The following RSPRY1 variants were observed in gnomAD, a reference collection of about 807,000 sequenced individuals.
RSPRY1 encodes the protein RING finger and SPRY domain-containing protein 1.
RSPRY1 carries 23 observed loss-of-function variants against 73.1 expected under a neutral mutation model. The observed-to-expected ratio is 0.31, with a 90% CI of 0.23 to 0.45. The LOEUF is 0.45. RSPRY1 is among the 20% of genes least tolerant of loss of function. RSPRY1 has a pLI of 1.00. For missense variants in RSPRY1, 448 were observed against 698.7 expected (o/e 0.64, Z 4.05); for synonymous variants, 226 against 251.4 (o/e 0.90, Z 0.95).
At position 57,239,042 on chromosome 16, in the gene RSPRY1, A is replaced by G. The variant is rs1597945431; in HGVS notation, c.*67A>G. 3.6e-6 allele frequency: 3 copies of G among 832,138 alleles called. No homozygotes were observed. The highest frequency in any genetic ancestry group is 5.3e-5 in the East Asian group (2 of 37,522). 51.5% of individuals were successfully genotyped at this position (832,138 alleles called of 1,614,324 possible). A position where few individuals can be genotyped will look rare whatever the true frequency, so the allele number is the denominator to read the frequency against. Reference sequence around the variant, plus strand: ...CAGCCAATGTTGAAAAGAAAAAGAAAAAAAAAACTCTCTAATCAGTTGTAC... The same window carrying G: ...CAGCCAATGTTGAAAAGAAAAAGAAGAAAAAAACTCTCTAATCAGTTGTAC... On this transcript the variant is annotated 3_prime_UTR_variant, in exon 15 of 15. Transcript: ENST00000394420.
At chr16:57,187,453 T>G (rs1044617194) in intron 1 of RSPRY1, among the ~76,000 whole-genome samples, 2 of 152,208 alleles carry the variant, frequency 1.3e-5, no homozygotes, top group Non-Finnish European at 2.9e-5. Context: ...TGTTATCGAC[T>G]GAGTAGAATC....
chr16:57,227,162 T>C (rs181892237), intron 10 of RSPRY1, among the ~76,000 whole-genome samples, 180 bp from the exon 11 acceptor site: 28 of 152,330 alleles, frequency 1.8e-4, no homozygotes, highest in Middle Eastern at 6.8e-3. Flanking sequence ...TCATTATCTA[T>C]TCACTTGGAA....
In RSPRY1 at chr16:57,231,151, C is replaced by T; in HGVS notation, c.1377-16C>T. ...TTTATTAATTCTATTGGCCTCTGTA[C>T]TCATTTTATTTGTAGATCTGGATTT... On this transcript the variant is annotated splice_polypyrimidine_tract_variant and intron_variant, in intron 12 of 14. Transcript: ENST00000394420. The T allele has an allele frequency of 1.2e-6, 2 of 1,610,208 alleles. No individual in the cohort carries two copies. The highest frequency in any genetic ancestry group is 1.7e-6 in the Non-Finnish European group (2 of 1,177,806).
At chr16:57,209,450 G>A (rs922508167) in intron 4 of RSPRY1, among the ~76,000 whole-genome samples, 11 of 151,460 alleles carry the variant, frequency 7.3e-5, no homozygotes, top group South Asian at 4.2e-4. Context: ...TGCAACCTCC[G>A]CCTCCCGGGT....
At chr16:57,218,870 G>A (rs982890511) in intron 8 of RSPRY1, among the ~76,000 whole-genome samples, 12 of 139,268 alleles carry the variant, frequency 8.6e-5, no homozygotes, top group Admixed American at 2.8e-4. Context: ...CAAGTAGCTG[G>A]GACTACAGGC....
At chr16:57,236,999 TAC>T (rs2146399989) in intron 14 of RSPRY1, among the ~76,000 whole-genome samples, 1 of 152,096 alleles carries the variant, frequency 6.6e-6, no homozygotes, top group Admixed American at 6.5e-5. Context: ...ACCCCGTCTC[TAC>T]TACAAATACA....
At position 57,212,994 on chromosome 16, in the gene RSPRY1, A is replaced by G; in HGVS notation, c.539A>G (p.Glu180Gly). Residue 180 changes from glutamate to glycine, a missense_variant, in exon 5 of 15, where the codon GAA (glutamate) becomes GGA (glycine). Glu to Gly is a moderately conservative substitution (Grantham distance 98). Coordinates refer to ENST00000394420, the MANE Select transcript of RSPRY1 (RefSeq NM_133368.3). ...PTKDALQKLT[E>G]ILNLNGEVAC... The stretch of plus-strand genomic sequence containing the variant: ...TAGGATGCACTCCAGAAATTGACTG[A>G]AATTCTCAATTTAAATGGAGAAGTA... 6.2e-7 allele frequency: 1 copy of G among 1,614,062 alleles called. No individual in the cohort carries two copies. Among genetic ancestry groups the G allele is most frequent in the Middle Eastern group, 1.6e-4 (1 of 6,062 alleles).
At position 57,221,292 on chromosome 16, in the gene RSPRY1, T is replaced by C; in HGVS notation, c.1038T>C (p.Ser346=). 6.2e-7 allele frequency: 1 copy of C among 1,614,108 alleles called. No individual in the cohort carries two copies. The highest frequency in any genetic ancestry group is 1.1e-5 in the South Asian group (1 of 91,074). Residue 346 remains serine (S), a synonymous_variant, in exon 10 of 15, where the codon TCT becomes TCC. Transcript: ENST00000394420. The part of the protein sequence containing the change: ...HGLEARCDAS[S]FESVRCTFCV... ...GCCAGGCTCGCTGTGATGCCTCCTC[T>C]TTTGAAAGTGTGCGTTGCACCTTTT... is the stretch of plus-strand genomic sequence containing the variant.
At position 57,204,489 on chromosome 16, in the gene RSPRY1, C is replaced by T. The variant is rs780526020; in HGVS notation, c.-155-15C>T. ...GAATCTTTTATTCATTTTCCTTTTT[C>T]TCATTTTCTTTTAGAACTGCCATTG... On this transcript the variant is annotated splice_polypyrimidine_tract_variant and intron_variant, in intron 1 of 14. Transcript: ENST00000394420. The T allele has an allele frequency of 1.5e-5, 9 of 619,924 alleles. No homozygotes were observed. The highest frequency in any genetic ancestry group is 2.3e-5 in the Non-Finnish European group (8 of 353,662). The allele number at this position is 619,924 out of a possible 1,614,324, so 38.4% of individuals were successfully genotyped here. A position where few individuals can be genotyped will look rare whatever the true frequency, so the allele number is the denominator to read the frequency against.
intron 1 of RSPRY1, among the ~76,000 whole-genome samples, chr16:57,195,703 ATGT>A (rs2074429319): frequency 6.6e-6 from 1 of 150,958 alleles, no homozygotes; most frequent in African/African-American, 2.4e-5. Context: ...TCACCAGCTA[ATGT>A]TGTCTTTGAA....
chr16:57,225,941 G>A (rs2075113933), intron 10 of RSPRY1, among the ~76,000 whole-genome samples: 1 of 152,196 alleles, frequency 6.6e-6, no homozygotes, highest in Non-Finnish European at 1.5e-5. Context: ...AGCTGGGCCT[G>A]GTGGCGCATG....
Position 57,201,066 on chromosome 16 carries a change from C to G in RSPRY1, c.-155-3438C>G, listed in dbSNP as rs549370505. Among the ~76,000 whole-genome samples, 9 of 152,126 alleles carry G rather than the reference C, an allele frequency of 5.9e-5. No individual in the cohort carries two copies. The East Asian group carries it at 1.8e-3, about 30-fold the overall frequency. Reference sequence around the variant, plus strand: ...GCTGGCCGGGCGGGGGGCTGACCCCCACCTCCCTCCCAGACGGGGTGGCTG... The same window carrying G: ...GCTGGCCGGGCGGGGGGCTGACCCCGACCTCCCTCCCAGACGGGGTGGCTG... On this transcript the variant is annotated intron_variant, in intron 1 of 14. Coordinates refer to ENST00000394420, the MANE Select transcript of RSPRY1 (RefSeq NM_133368.3).
chr16:57,211,154 T>G (rs1245666432), intron 4 of RSPRY1, among the ~76,000 whole-genome samples: 4 of 151,818 alleles, frequency 2.6e-5, no homozygotes, highest in Non-Finnish European at 4.4e-5. Flanking sequence ...CTGGGCTGAA[T>G]GTACTGGCTC....
At position 57,213,751 on chromosome 16, in the gene RSPRY1, T is replaced by G. The variant is rs2074889415; in HGVS notation, c.644-137T>G. The G allele has an allele frequency of 8.5e-6, 6 of 702,200 alleles. No homozygotes were observed. The South Asian group carries it at 1.0e-4, about 12-fold the overall frequency. 43.5% of individuals were successfully genotyped at this position (702,200 alleles called of 1,614,324 possible). A position where few individuals can be genotyped will look rare whatever the true frequency, so the allele number is the denominator to read the frequency against. ...CTTAACTGTGAAATGGAGCTAGTAC[T>G]ATTTTCTACCTCAGAGCAGGAGGCT... On this transcript the variant is annotated intron_variant, in intron 5 of 14. Coordinates refer to ENST00000394420, the MANE Select transcript of RSPRY1 (RefSeq NM_133368.3).
At chr16:57,189,353 GGCTTCT>G (rs1249331476) in intron 1 of RSPRY1, among the ~76,000 whole-genome samples, 1 of 151,752 alleles carries the variant, frequency 6.6e-6, no homozygotes, top group Non-Finnish European at 1.5e-5. Flanking sequence ...ACTCTATGTG[GGCTTCT>G]GCTTTTGTCA....
intron 7 of RSPRY1, 71 bp downstream of exon 7, chr16:57,216,244 C>A: frequency 9.0e-7 from 1 of 1,105,832 alleles, no homozygotes; most frequent in African/African-American, 1.5e-5. Context: ...TTCTTAGTTA[C>A]TGGATAAGCC....
intron 13 of RSPRY1, among the ~76,000 whole-genome samples, chr16:57,234,003 G>A (rs777995265): frequency 4.6e-5 from 7 of 152,162 alleles, no homozygotes; most frequent in Non-Finnish European, 1.0e-4. Flanking sequence ...ATGCCAGTGC[G>A]TGGCTTCTTA....
intron 1 of RSPRY1, among the ~76,000 whole-genome samples, chr16:57,200,528 C>T (rs1444915736): frequency 1.4e-5 from 2 of 147,378 alleles, no homozygotes; most frequent in African/African-American, 2.5e-5. Flanking sequence ...GCTGGCCGGG[C>T]GGGGGGCTGA....
intron 10 of RSPRY1, among the ~76,000 whole-genome samples, chr16:57,222,001 T>C (rs1367416210): frequency 2.0e-5 from 3 of 152,254 alleles, no homozygotes; most frequent in African/African-American, 7.2e-5. Context: ...TGCCACTTTA[T>C]ACCCTTCTAA....
Sources: gnomAD v4.1 joint callset for allele counts (sites outside exome capture counted in the v4.1 genomes callset) on GRCh38, gnomAD v4.1.1 for gene constraint, MANE v1.5 for transcripts, NCBI Gene and HGNC (gene_info 2026-07-23, HGNC 2026-07-21) for gene names.